MAGI3: variants seen among roughly 807,000 people sequenced by gnomAD.
The protein encoded by MAGI3 is membrane associated guanylate kinase, WW and PDZ domain containing 3.
Under a neutral mutation model 121.8 loss-of-function variants are expected in MAGI3, and 43 were observed. The ratio of observed to expected loss-of-function variants is 0.35; its 90% CI spans 0.28 to 0.46. The LOEUF is 0.46. Among genes scored for constraint, MAGI3 ranks in the 20% least tolerant of loss-of-function variants. MAGI3 has a pLI of 1.00. For synonymous variants in MAGI3, 553 were observed against 639.3 expected (o/e 0.86, Z 2.04); for missense variants, 1,547 against 1,797.3 (o/e 0.86, Z 2.52).
intron 1 of MAGI3, among the ~76,000 whole-genome samples, chr1:113,466,437 C>T (rs1169512178): frequency 6.6e-6 from 1 of 152,048 alleles, no homozygotes; most frequent in Non-Finnish European, 1.5e-5. Flanking sequence ...TGATATTGGC[C>T]TGTAGTCTTC....
At chr1:113,567,437 A>T (rs1319691569) in intron 2 of MAGI3, among the ~76,000 whole-genome samples, 2 of 152,110 alleles carry the variant, frequency 1.3e-5, no homozygotes, top group African/African-American at 2.4e-5. Context: ...CATTACCCTG[A>T]TAACAAAACC....
chr1:113,628,197 TGA>T (rs2101798149), intron 9 of MAGI3, among the ~76,000 whole-genome samples: 2 of 152,288 alleles, frequency 1.3e-5, no homozygotes, highest in Admixed American at 1.3e-4. Context: ...TTTTTTTATT[TGA>T]GTTTACCAGG....
At chr1:113,550,467 T>C (rs768631538) in intron 2 of MAGI3, among the ~76,000 whole-genome samples, 4 of 151,270 alleles carry the variant, frequency 2.6e-5, no homozygotes, top group Non-Finnish European at 4.4e-5. Context: ...ATTGTGAGTT[T>C]TAAAAAGTGA....
intron 1 of MAGI3, among the ~76,000 whole-genome samples, chr1:113,437,853 T>TCTC (rs1653673520): frequency 3.6e-5 from 2 of 56,010 alleles, no homozygotes; most frequent in African/African-American, 1.6e-4. Flanking sequence ...TTCTTCTTCT[T>TCTC]CTTCTTCTTC....
intron 1 of MAGI3, among the ~76,000 whole-genome samples, chr1:113,503,219 TAAAAAAAAAAAAAAAAAA>T (rs869272201): frequency 8.9e-4 from 8 of 8,976 alleles, no homozygotes; most frequent in African/African-American, 4.5e-3. Flanking sequence ...AGAGTATAAT[TAAAAAAAAAAAAAAAAAA>T]AAAAAAAAAA....
rs1182582909 is a variant in MAGI3, at chr1:113,585,442, T to C, written c.609T>C (p.Asp203=). ...PPAEPSPFQP[D]PVDQVLFDNE... Reference sequence around the variant, plus strand: ...CAGAACCCAGCCCTTTTCAGCCAGATCCAGTTGATCAAGTCCTCTTTGATA... The same window carrying C: ...CAGAACCCAGCCCTTTTCAGCCAGACCCAGTTGATCAAGTCCTCTTTGATA... Residue 203 remains aspartate (D), a synonymous_variant, in exon 4 of 21, where the codon GAT becomes GAC. Coordinates refer to ENST00000307546, the MANE Select transcript of MAGI3 (RefSeq NM_001142782.2). The C allele has an allele frequency of 6.2e-7, 1 of 1,614,122 alleles. No homozygotes were observed. Among genetic ancestry groups the C allele is most frequent in the Non-Finnish European group, 8.5e-7 (1 of 1,179,990 alleles).
intron 11 of MAGI3, among the ~76,000 whole-genome samples, chr1:113,645,319 C>T (rs1032244704): frequency 7.2e-5 from 11 of 152,122 alleles, no homozygotes; most frequent in African/African-American, 1.7e-4. Flanking sequence ...CCACTGCGCC[C>T]GGCCAGCTTC....
chr1:113,602,420 A>T (rs1649461759), intron 6 of MAGI3, among the ~76,000 whole-genome samples: 1 of 152,188 alleles, frequency 6.6e-6, no homozygotes, highest in Admixed American at 6.5e-5. Context: ...GAAATGAATG[A>T]TAATAGTGAC....
chr1:113,505,145 C>T (rs1251883390), intron 1 of MAGI3, among the ~76,000 whole-genome samples: 5 of 151,948 alleles, frequency 3.3e-5, no homozygotes, highest in Admixed American at 1.3e-4. Flanking sequence ...GGGAGGTAGG[C>T]CCATACCAGG....
intron 1 of MAGI3, among the ~76,000 whole-genome samples, chr1:113,435,087 C>A (rs1481130858): frequency 5.3e-5 from 8 of 152,068 alleles, no homozygotes; most frequent in Admixed American, 5.2e-4. Flanking sequence ...GTAGTTAACT[C>A]TTTTCTTGGT....
chr1:113,423,089 T>G (rs1307085399), intron 1 of MAGI3, among the ~76,000 whole-genome samples: 1 of 152,124 alleles, frequency 6.6e-6, no homozygotes, highest in Non-Finnish European at 1.5e-5. Context: ...AGGTCCTGAG[T>G]TCTTGTCCCA....
At chr1:113,396,184 T>A (rs1651106924) in intron 1 of MAGI3, among the ~76,000 whole-genome samples, 1 of 152,010 alleles carries the variant, frequency 6.6e-6, no homozygotes, top group African/African-American at 2.4e-5. Context: ...GCTTTGTAAT[T>A]TTTGGGGGGA....
chr1:113,655,486 T>G (rs956371854), intron 15 of MAGI3, among the ~76,000 whole-genome samples: 3 of 151,438 alleles, frequency 2.0e-5, no homozygotes, highest in East Asian at 3.9e-4. Context: ...TATTTAACAT[T>G]TATGTTATAT....
At chr1:113,471,129 C>T (rs966158816) in intron 1 of MAGI3, among the ~76,000 whole-genome samples, 3 of 152,106 alleles carry the variant, frequency 2.0e-5, no homozygotes, top group African/African-American at 7.2e-5. Flanking sequence ...ACCAAATGGA[C>T]CTACCAGATA....
chr1:113,397,272 T>C (rs1365250517), intron 1 of MAGI3, among the ~76,000 whole-genome samples: 2 of 152,222 alleles, frequency 1.3e-5, no homozygotes. Context: ...AATGTGTACA[T>C]GAAGTGAAAG....
chr1:113,508,924 T>C (rs1657477116), intron 1 of MAGI3, among the ~76,000 whole-genome samples: 1 of 152,176 alleles, frequency 6.6e-6, no homozygotes, highest in South Asian at 2.1e-4. Context: ...GAGAAAATAT[T>C]TTCCTTGATT....
At chr1:113,495,724 A>G (rs1656888014) in intron 1 of MAGI3, among the ~76,000 whole-genome samples, 1 of 152,194 alleles carries the variant, frequency 6.6e-6, no homozygotes, top group Non-Finnish European at 1.5e-5. Context: ...TTAGGACAAA[A>G]GTTTATGTTT....
chr1:113,578,042 C>T (rs1174382198), intron 2 of MAGI3, among the ~76,000 whole-genome samples: 1 of 152,096 alleles, frequency 6.6e-6, no homozygotes, highest in Non-Finnish European at 1.5e-5. Context: ...TGGGCTCAGT[C>T]GGGACCATTC....
intron 1 of MAGI3, among the ~76,000 whole-genome samples, chr1:113,539,721 G>GTT (rs1254840622): frequency 6.7e-6 from 1 of 149,568 alleles, no homozygotes; most frequent in African/African-American, 2.5e-5. Flanking sequence ...ATTTTATTTT[G>GTT]TAACTTGCTT....
Sources: allele counts gnomAD v4.1 joint callset (sites outside exome capture counted in the v4.1 genomes callset), GRCh38; gene constraint gnomAD v4.1.1; transcripts MANE v1.5; gene names NCBI Gene and HGNC (gene_info 2026-07-23, HGNC 2026-07-21).